Variants in COLEC12 observed in about 807,000 individuals in gnomAD.
The protein encoded by COLEC12 is collectin subfamily member 12, also known as collectin-12.
COLEC12 carries 33 observed loss-of-function variants against 71.1 expected under a neutral mutation model. The ratio of observed to expected loss-of-function variants is 0.46; its 90% CI spans 0.35 to 0.62. The LOEUF (loss-of-function observed/expected upper bound fraction) is 0.62. COLEC12 is among the 20% of genes least tolerant of loss of function. The probability of loss-of-function intolerance (pLI) is 0.00; values close to 1 mark genes in which losing one functional copy is unlikely to be tolerated. For missense variants in COLEC12, 765 were observed against 916.1 expected, an observed-to-expected ratio of 0.84 and a Z score of 2.13; for synonymous variants, 350 against 353.0, an observed-to-expected ratio of 0.99 and a Z score of 0.10.
At chr18:413,463 C>A (rs7226704) in intron 2 of COLEC12, among the ~76,000 whole-genome samples, 84,189 of 152,010 alleles carry the variant, frequency 0.55, 23,888 homozygotes, top group South Asian at 0.62. Flanking sequence ...ATGGAACATA[C>A]AATGGCTATA....
intron 2 of COLEC12, among the ~76,000 whole-genome samples, chr18:403,055 A>G (rs987568434): frequency 2.0e-5 from 3 of 152,164 alleles, no homozygotes; most frequent in African/African-American, 4.8e-5. Context: ...AGAGCTATGT[A>G]TGGCCAGCGT....
intron 2 of COLEC12, among the ~76,000 whole-genome samples, chr18:447,014 A>C (rs979828038): frequency 6.6e-6 from 1 of 152,342 alleles, no homozygotes; most frequent in South Asian, 2.1e-4. Context: ...TCCACGTCCA[A>C]GAGGATGGCT....
chr18:338,633 G>A lies in COLEC12; in HGVS notation c.1328-3403C>T, dbSNP rs923825484. 2.0e-5 allele frequency among the ~76,000 whole-genome samples: 3 copies of A among 152,170 alleles called. No individual in the cohort carries two copies. In the East Asian group the frequency reaches 5.8e-4, roughly 29 times the overall value. On this transcript the variant is annotated intron_variant, in intron 5 of 9. Coordinates refer to ENST00000400256, the MANE Select transcript of COLEC12 (RefSeq NM_130386.3). Reference sequence around the variant, plus strand: ...ATGCCATTTAGTAAAGATCGGGAAGGTAGACTTTTTGCTGCCAGATCTATC... The same window carrying A: ...ATGCCATTTAGTAAAGATCGGGAAGATAGACTTTTTGCTGCCAGATCTATC...
chr18:425,536 T>C (rs1228871473), intron 2 of COLEC12, among the ~76,000 whole-genome samples: 1 of 151,910 alleles, frequency 6.6e-6, no homozygotes, highest in Non-Finnish European at 1.5e-5. Flanking sequence ...ATGAAATGAG[T>C]CTCTTTGTAC....
At chr18:329,591 C>T (rs940220032) in intron 8 of COLEC12, among the ~76,000 whole-genome samples, 1 of 152,152 alleles carries the variant, frequency 6.6e-6, no homozygotes, top group Non-Finnish European at 1.5e-5. Flanking sequence ...CAGGCAAAGT[C>T]TCAAGTGCCA....
chr18:348,201 G>A, intron 3 of COLEC12, 38 bp from the exon 4 acceptor site: 1 of 1,225,176 alleles, frequency 8.2e-7, no homozygotes, highest in South Asian at 1.3e-5. Context: ...ATACATATCT[G>A]CTCATATTTT....
chr18:328,256 T>C (rs1487290394), intron 8 of COLEC12, among the ~76,000 whole-genome samples: 1 of 151,994 alleles, frequency 6.6e-6, no homozygotes. Flanking sequence ...GAAAGGGAGG[T>C]GGATGGGCCA....
intron 2 of COLEC12, among the ~76,000 whole-genome samples, chr18:443,626 C>T (rs1017599491): frequency 3.9e-5 from 6 of 152,240 alleles, no homozygotes; most frequent in African/African-American, 1.4e-4. Flanking sequence ...GAGCAAGAAT[C>T]GGAGGAAATC....
intron 7 of COLEC12, among the ~76,000 whole-genome samples, chr18:332,079 T>C (rs1446572413): frequency 6.6e-6 from 1 of 152,224 alleles, no homozygotes; most frequent in East Asian, 1.9e-4. Flanking sequence ...ACCCACCCAT[T>C]TCTCCCATGT....
At chr18:446,884 G>C (rs1207677508) in intron 2 of COLEC12, among the ~76,000 whole-genome samples, 2 of 152,176 alleles carry the variant, frequency 1.3e-5, no homozygotes, top group Non-Finnish European at 2.9e-5. Flanking sequence ...TAAAGGTCCT[G>C]AGGCACATAA....
At chr18:345,928 TCTTGTTCTCTCTCTTGAATTC>T (rs1914360492) in intron 5 of COLEC12, among the ~76,000 whole-genome samples, 1 of 152,220 alleles carries the variant, frequency 6.6e-6, no homozygotes, top group African/African-American at 2.4e-5. Context: ...GTATCTTCCT[TCTTGTTCTCTCTCTTGAATTC>T]CTTGTTCTGG....
intron 2 of COLEC12, among the ~76,000 whole-genome samples, chr18:478,966 T>C (rs191668884): frequency 6.2e-4 from 92 of 147,808 alleles, no homozygotes; most frequent in African/African-American, 2.1e-3. Context: ...ACTGGTAATA[T>C]GGCTGAGAAA....
chr18:415,750 G>T (rs1915974415), intron 2 of COLEC12, among the ~76,000 whole-genome samples: 2 of 152,118 alleles, frequency 1.3e-5, no homozygotes, highest in South Asian at 2.1e-4. Flanking sequence ...GGGCAAGCAG[G>T]TATGTGTCAG....
At position 492,992 on chromosome 18, in the gene COLEC12, T is replaced by C. The variant is rs563324681; in HGVS notation, c.7+7516A>G. 4.6e-5 allele frequency among the ~76,000 whole-genome samples: 7 copies of C among 152,200 alleles called. No homozygotes were observed. In the South Asian group the frequency reaches 1.2e-3, roughly 27 times the overall value. On this transcript the variant is annotated intron_variant, in intron 1 of 9. Coordinates refer to ENST00000400256, the MANE Select transcript of COLEC12 (RefSeq NM_130386.3). ...CTGAGGCGGGCAGATCACTTGAGGC[T>C]AGGAGTTTGAGACGAGCCTGAGCAA... is the stretch of plus-strand genomic sequence containing the variant.
intron 2 of COLEC12, among the ~76,000 whole-genome samples, chr18:368,745 A>C (rs1015078085): frequency 6.6e-6 from 1 of 152,154 alleles, no homozygotes; most frequent in African/African-American, 2.4e-5. Flanking sequence ...GGGCGCCTGT[A>C]GTCCCAGCTA....
At chr18:427,162 C>T (rs547953784) in intron 2 of COLEC12, among the ~76,000 whole-genome samples, 9 of 152,312 alleles carry the variant, frequency 5.9e-5, no homozygotes, top group African/African-American at 2.2e-4. Context: ...GGAAACAGCA[C>T]TGGCCTCTGA....
intron 2 of COLEC12, among the ~76,000 whole-genome samples, chr18:434,350 T>A (rs375502392): frequency 7.5e-4 from 114 of 152,330 alleles, no homozygotes; most frequent in Middle Eastern, 6.8e-3. Context: ...AAATTGCAGG[T>A]ATTTTTCAAA....
Position 334,747 on chromosome 18 carries a change from T to TC in COLEC12, c.1810dup (p.Asp604GlyfsTer21). On this transcript the variant is annotated frameshift_variant, in exon 6 of 10. Transcript: ENST00000400256. LOFTEE classifies it high-confidence loss of function. ...GAGGGAGGGCTTGGACTTACCATTGTCCTCCGGTGCTGGGGTTGGCTCATT... is the reference window on the plus strand; with the variant it reads ...GAGGGAGGGCTTGGACTTACCATTGTCCCTCCGGTGCTGGGGTTGGCTCATT... The TC allele has an allele frequency of 6.8e-7, 1 of 1,468,696 alleles. No individual in the cohort carries two copies. The highest frequency in any genetic ancestry group is 9.0e-7 in the Non-Finnish European group (1 of 1,114,940). 91.0% of individuals were successfully genotyped at this position (1,468,696 alleles called of 1,614,324 possible).
At chr18:440,535 G>GA (rs1916498739) in intron 2 of COLEC12, among the ~76,000 whole-genome samples, 1 of 152,022 alleles carries the variant, frequency 6.6e-6, no homozygotes, top group South Asian at 2.1e-4. Context: ...CAACAAAGCC[G>GA]AAAAAATTCA....
Sources: gnomAD v4.1 joint callset for allele counts (sites outside exome capture counted in the v4.1 genomes callset) on GRCh38, gnomAD v4.1.1 for gene constraint, MANE v1.5 for transcripts, NCBI Gene and HGNC (gene_info 2026-07-23, HGNC 2026-07-21) for gene names.